The following NPFFR1 variants were observed in gnomAD, a reference collection of about 807,000 sequenced individuals.
NPFFR1 encodes the protein neuropeptide FF receptor 1.
Under a neutral mutation model 12.7 loss-of-function variants are expected in NPFFR1, and 17 were observed. That is an observed-to-expected ratio of 1.34 (90% CI 0.92 to 2.01). The LOEUF (loss-of-function observed/expected upper bound fraction) is 2.01, where lower values mean the gene tolerates loss of function less well. NPFFR1 is among the 30% of genes most tolerant of loss of function. The pLI, the probability that NPFFR1 is intolerant of heterozygous loss-of-function variation, is 0.00. For missense variants in NPFFR1, 604 were observed against 606.5 expected, an observed-to-expected ratio of 1.00 and a Z score of 0.04; for synonymous variants, 296 against 264.5, an observed-to-expected ratio of 1.12 and a Z score of -1.16.
At chr10:70,276,417 G>GACTCAT (rs1471776073) in intron 1 of NPFFR1, among the ~76,000 whole-genome samples, 1 of 152,114 alleles carries the variant, frequency 6.6e-6, no homozygotes, top group Non-Finnish European at 1.5e-5. Flanking sequence ...ATGAGGAAAT[G>GACTCAT]ACTCATAACA....
At chr10:70,257,901 G>C (rs530481304) in intron 3 of NPFFR1, among the ~76,000 whole-genome samples, 1 of 152,156 alleles carries the variant, frequency 6.6e-6, no homozygotes, top group African/African-American at 2.4e-5. Flanking sequence ...TTACGTGCAC[G>C]TCCAGTCACA....
intron 1 of NPFFR1, among the ~76,000 whole-genome samples, chr10:70,274,737 T>G (rs1840784378): frequency 6.6e-6 from 1 of 152,186 alleles, no homozygotes; most frequent in African/African-American, 2.4e-5. Flanking sequence ...GTTAATACAT[T>G]CAGAGAGACA....
At chr10:70,279,676 G>A (rs1840839581) in intron 1 of NPFFR1, among the ~76,000 whole-genome samples, 1 of 152,084 alleles carries the variant, frequency 6.6e-6, no homozygotes, top group Non-Finnish European at 1.5e-5. Flanking sequence ...GGCCAGGCTG[G>A]TCTCGAACTC....
chr10:70,277,148 C>A (rs1032756424), intron 1 of NPFFR1, among the ~76,000 whole-genome samples: 1 of 152,246 alleles, frequency 6.6e-6, no homozygotes, highest in Non-Finnish European at 1.5e-5. Context: ...GGCCTACACC[C>A]ATCTGGCCTC....
chr10:70,248,467 G>GTTTTTTTTTTTTTTTTTTTTTTTTTTT lies in NPFFR1; in HGVS notation c.*6489_*6490insAAAAAAAAAAAAAAAAAAAAAAAAAAA, dbSNP rs71472949. On this transcript the variant is annotated 3_prime_UTR_variant, in exon 4 of 4. Transcript: ENST00000277942. ...CAAAGTACGTAGTACTATGCCTGGCGTTTTTTTTTTGTTTTTTGTTTTTTT... is the reference window on the plus strand; with the variant it reads ...CAAAGTACGTAGTACTATGCCTGGCGTTTTTTTTTTTTTTTTTTTTTTTTTTTTTTTTTTTTTGTTTTTTGTTTTTTT... 5.2e-5 allele frequency: 5 copies of GTTTTTTTTTTTTTTTTTTTTTTTTTTT among 96,742 alleles called. 1 individual carries two copies. Among genetic ancestry groups the GTTTTTTTTTTTTTTTTTTTTTTTTTTT allele is most frequent in the East Asian group, 2.6e-4 (1 of 3,802 alleles). 6.0% of individuals were successfully genotyped at this position (96,742 alleles called of 1,614,324 possible).
In NPFFR1 at chr10:70,260,637, C is replaced by T. The variant is rs1470627963; in HGVS notation, c.422+3G>A. ...GGCATAATCCAGCCAGGAAACCTCT[C>T]ACCTTTCCACAGCAATGGCCACCAG... On this transcript the variant is annotated splice_donor_region_variant and intron_variant, in intron 3 of 3. Transcript: ENST00000277942. The T allele has an allele frequency of 6.2e-7, 1 of 1,605,500 alleles. No individual in the cohort carries two copies. Among genetic ancestry groups the T allele is most frequent in the Non-Finnish European group, 8.5e-7 (1 of 1,176,076 alleles).
chr10:70,256,120 CTGGAG>C (rs1206825826), intron 3 of NPFFR1, among the ~76,000 whole-genome samples: 1 of 147,098 alleles, frequency 6.8e-6, no homozygotes, highest in Non-Finnish European at 1.5e-5. Context: ...GTCGCCCAGT[CTGGAG>C]TGCAGTGGCG....
At chr10:70,272,751 G>A (rs1026149799) in intron 1 of NPFFR1, among the ~76,000 whole-genome samples, 3 of 152,156 alleles carry the variant, frequency 2.0e-5, no homozygotes, top group Non-Finnish European at 2.9e-5. Context: ...CTTCGCAGTC[G>A]AGGCACATCT....
At chr10:70,272,208 A>AGAG (rs1564596681) in intron 1 of NPFFR1, among the ~76,000 whole-genome samples, 3 of 20,294 alleles carry the variant, frequency 1.5e-4, no homozygotes, top group Non-Finnish European at 2.8e-4. Context: ...AGAAAGAAAG[A>AGAG]AAGGAAAGAA....
chr10:70,254,597 G>T lies in NPFFR1; in HGVS notation c.*360C>A. 4.4e-6 allele frequency: 1 copy of T among 228,962 alleles called. No homozygotes were observed. The highest frequency in any genetic ancestry group is 8.7e-5 in the East Asian group (1 of 11,456). The allele number at this position is 228,962 out of a possible 1,614,324, so 14.2% of individuals were successfully genotyped here. On this transcript the variant is annotated 3_prime_UTR_variant, in exon 4 of 4. Coordinates refer to ENST00000277942, the MANE Select transcript of NPFFR1 (RefSeq NM_022146.5). The stretch of plus-strand genomic sequence containing the variant: ...ACCACACAGGTATTGGAGTCAGATA[G>T]CTTCACATGCCATTTCCACCTGAGA...
At chr10:70,257,900 C>T (rs951731756) in intron 3 of NPFFR1, among the ~76,000 whole-genome samples, 34 of 152,298 alleles carry the variant, frequency 2.2e-4, no homozygotes, top group African/African-American at 6.5e-4. Context: ...CTTACGTGCA[C>T]GTCCAGTCAC....
intron 1 of NPFFR1, among the ~76,000 whole-genome samples, chr10:70,268,139 A>G (rs759355984): frequency 2.6e-5 from 4 of 151,934 alleles, no homozygotes; most frequent in Non-Finnish European, 4.4e-5. Context: ...ACAGTTATCA[A>G]CTCGAGGCCT....
At position 70,255,547 on chromosome 10, in the gene NPFFR1, T is replaced by G. The variant is rs747807388; in HGVS notation, c.703A>C (p.Met235Leu). The G allele has an allele frequency of 4.5e-6, 7 of 1,550,402 alleles. No individual in the cohort carries two copies. Among genetic ancestry groups the G allele is most frequent in the Non-Finnish European group, 6.1e-6 (7 of 1,146,754 alleles). Reference protein sequence around the residue: ...YLAPLALIVVMYARIARKLCQ... With the variant: ...YLAPLALIVVLYARIARKLCQ... The stretch of plus-strand genomic sequence containing the variant: ...AGCTTGCGCGCGATGCGGGCGTACA[T>G]GACCACGATGAGCGCCAGCGGCGCC... Residue 235 changes from methionine to leucine, a missense_variant, in exon 4 of 4, where the codon ATG (methionine) becomes CTG (leucine). Coordinates refer to ENST00000277942, the MANE Select transcript of NPFFR1 (RefSeq NM_022146.5). The surrounding 1 kb of genome is among the most constrained non-coding windows in gnomAD (Gnocchi z 4.2).
intron 1 of NPFFR1, among the ~76,000 whole-genome samples, chr10:70,268,049 T>C (rs1840714445): frequency 6.6e-6 from 1 of 152,214 alleles, no homozygotes; most frequent in African/African-American, 2.4e-5. Context: ...GTAATAAACA[T>C]ATACAAGAGT....
chr10:70,256,399 G>C (rs1161523612), intron 3 of NPFFR1, among the ~76,000 whole-genome samples: 1 of 152,176 alleles, frequency 6.6e-6, no homozygotes, highest in African/African-American at 2.4e-5. Context: ...TACTTTTGGG[G>C]GTCAACTGAT....
At chr10:70,276,475 A>G (rs1289637379) in intron 1 of NPFFR1, among the ~76,000 whole-genome samples, 1 of 152,200 alleles carries the variant, frequency 6.6e-6, no homozygotes, top group Non-Finnish European at 1.5e-5. Context: ...GGAGTCAGAC[A>G]TTAAATTAGA....
intron 1 of NPFFR1, among the ~76,000 whole-genome samples, chr10:70,277,695 G>T (rs1840817516): frequency 6.6e-6 from 1 of 152,014 alleles, no homozygotes; most frequent in Non-Finnish European, 1.5e-5. Context: ...GAGCTTCTGG[G>T]ATGGGTAGGC....
rs563179824 is a variant in NPFFR1, at chr10:70,251,750, G to A, written c.*3207C>T. On this transcript the variant is annotated 3_prime_UTR_variant, in exon 4 of 4. Transcript: ENST00000277942. ...GAATGGTCCACACCACTTGCCCGTG[G>A]GCGCCTAGGCTGCACAAGGCCCCGT... 2 of 152,388 alleles carry A rather than the reference G, an allele frequency of 1.3e-5. 1 individual carries two copies. The highest frequency in any genetic ancestry group is 4.1e-4 in the South Asian group (2 of 4,834). 9.4% of individuals were successfully genotyped at this position (152,388 alleles called of 1,614,324 possible). A position where few individuals can be genotyped will look rare whatever the true frequency, so the allele number is the denominator to read the frequency against.
At chr10:70,267,490 G>A (rs553942719) in intron 1 of NPFFR1, among the ~76,000 whole-genome samples, 2 of 152,286 alleles carry the variant, frequency 1.3e-5, no homozygotes, top group Admixed American at 6.5e-5. Flanking sequence ...AGGTCAGAAA[G>A]GTTCCATGAC....
Sources: gnomAD v4.1 joint callset for allele counts (sites outside exome capture counted in the v4.1 genomes callset) on GRCh38, gnomAD v4.1.1 for gene constraint, Gnocchi (gnomAD v3.1) non-coding constraint, MANE v1.5 for transcripts, NCBI Gene and HGNC (gene_info 2026-07-23, HGNC 2026-07-21) for gene names.